Variants in DIP2C observed in about 807,000 individuals in gnomAD.
DIP2C encodes DIP2 acetate--CoA ligase C (putative).
In DIP2C, 33 loss-of-function variants were observed where a neutral mutation model predicts 192.4. The ratio of observed to expected loss-of-function variants is 0.17; its 90% confidence interval spans 0.13 to 0.23. The LOEUF (loss-of-function observed/expected upper bound fraction) is 0.23. Ranked by LOEUF, DIP2C falls within the 10% of genes least tolerant of loss-of-function variation. The pLI, the probability that DIP2C is intolerant of heterozygous loss-of-function variation, is 1.00. For synonymous variants in DIP2C, 979 were observed against 864.1 expected, an observed-to-expected ratio of 1.13 and a Z score of -2.33; for missense variants, 1,537 against 2,110.1, an observed-to-expected ratio of 0.73 and a Z score of 5.32.
intron 7 of DIP2C, among the ~76,000 whole-genome samples, chr10:414,890 GTATATA>G (rs869143179): frequency 1.1e-4 from 4 of 36,130 alleles, no homozygotes; most frequent in African/African-American, 5.0e-4. Context: ...GTGTGTGTGT[GTATATA>G]TATATATATA....
At chr10:622,519 C>G (rs1467789002) in intron 1 of DIP2C, among the ~76,000 whole-genome samples, 1 of 152,136 alleles carries the variant, frequency 6.6e-6, no homozygotes, top group African/African-American at 2.4e-5. Context: ...TTAGCATAAA[C>G]AGTGACCAGC....
chr10:366,447 G>C lies in DIP2C; in HGVS notation c.2132-36C>G. The C allele has an allele frequency of 1.9e-6, 3 of 1,613,088 alleles. No homozygotes were observed. The East Asian group carries it at 6.7e-5, about 36-fold the overall frequency. On this transcript the variant is annotated intron_variant, in intron 18 of 36. Coordinates refer to ENST00000280886, the MANE Select transcript of DIP2C (RefSeq NM_014974.3). ...ACAGGAAAGCACATGCAGTGTGAGA[G>C]GGGGCAGGTGGGGAGAATAAAGGAA...
At chr10:485,030 C>T in intron 2 of DIP2C, 4 of 1,467,990 alleles carry the variant, frequency 2.7e-6, no homozygotes, top group Admixed American at 2.1e-5. Flanking sequence ...GAGCTGCCGA[C>T]CCCATGCAGG....
intron 1 of DIP2C, among the ~76,000 whole-genome samples, chr10:558,119 T>C (rs1849007402): frequency 6.6e-6 from 1 of 152,176 alleles, no homozygotes; most frequent in African/African-American, 2.4e-5. Flanking sequence ...ATTCTATAAA[T>C]TGGAAAGATA....
At chr10:302,547 T>C (rs1956102156) in intron 32 of DIP2C, among the ~76,000 whole-genome samples, 1 of 152,194 alleles carries the variant, frequency 6.6e-6, no homozygotes, top group Non-Finnish European at 1.5e-5. Flanking sequence ...AGTCATGTAC[T>C]TAACGACAAG....
At chr10:289,612 G>A (rs907677150) in intron 32 of DIP2C, among the ~76,000 whole-genome samples, 13 of 152,140 alleles carry the variant, frequency 8.5e-5, no homozygotes, top group East Asian at 7.7e-4. Context: ...TTATGCACTC[G>A]ACACAGCAGT....
At position 317,620 on chromosome 10, in the gene DIP2C, G is replaced by A. The variant is rs547502675; in HGVS notation, c.3925-7528C>T. On this transcript the variant is annotated intron_variant, in intron 31 of 36. Transcript: ENST00000280886. ...AAAGCCAGGCATGTTCTGTGACTGC[G>A]ATAGAGAATCCCTTGCTGAAAGCCA... Among the ~76,000 whole-genome samples the A allele has an allele frequency of 1.4e-4, 21 of 152,296 alleles. 1 individual carries two copies. The East Asian group carries it at 4.1e-3, about 29-fold the overall frequency.
chr10:650,300 C>A, intron 1 of DIP2C: 1 of 716,938 alleles, frequency 1.4e-6, no homozygotes, highest in Non-Finnish European at 2.6e-6. Flanking sequence ...GGGCCAGGGA[C>A]CATGGTGCCC....
intron 1 of DIP2C, among the ~76,000 whole-genome samples, chr10:685,259 G>A (rs913327667): frequency 4.1e-5 from 6 of 147,386 alleles, no homozygotes; most frequent in Admixed American, 2.1e-4. Flanking sequence ...TGGCACGTGC[G>A]CGAGCCTTCA....
intron 17 of DIP2C, among the ~76,000 whole-genome samples, chr10:375,312 C>A (rs1282101786): frequency 2.0e-5 from 3 of 152,216 alleles, no homozygotes; most frequent in Non-Finnish European, 4.4e-5. Context: ...ATGTGACATG[C>A]AGGCTCCCAC....
chr10:592,845 G>A lies in DIP2C; in HGVS notation c.85+96649C>T, dbSNP rs535715123. 1.8e-4 allele frequency among the ~76,000 whole-genome samples: 27 copies of A among 151,630 alleles called. No homozygotes were observed. The South Asian group carries it at 5.2e-3, about 29-fold the overall frequency. On this transcript the variant is annotated intron_variant, in intron 1 of 36. Transcript: ENST00000280886. Reference sequence around the variant, plus strand: ...GAAGATGTACGAGCCGTCCCTGCTCGTGTAGAAATCTGAGAGCAGGTATGA... The same window carrying A: ...GAAGATGTACGAGCCGTCCCTGCTCATGTAGAAATCTGAGAGCAGGTATGA...
chr10:549,504 G>T (rs184550513), intron 1 of DIP2C, among the ~76,000 whole-genome samples: 3 of 152,148 alleles, frequency 2.0e-5, no homozygotes, highest in African/African-American at 7.2e-5. Flanking sequence ...CCAAAACCAC[G>T]CAGAAGTGAC....
At chr10:617,948 A>G (rs1853586681) in intron 1 of DIP2C, among the ~76,000 whole-genome samples, 1 of 152,092 alleles carries the variant, frequency 6.6e-6, no homozygotes, top group African/African-American at 2.4e-5. Flanking sequence ...AGGTGTGACA[A>G]TTTAGGAATC....
chr10:359,513 G>C (rs1265796984), intron 22 of DIP2C, among the ~76,000 whole-genome samples: 1 of 152,170 alleles, frequency 6.6e-6, no homozygotes, highest in Non-Finnish European at 1.5e-5. Flanking sequence ...AATCATTTTT[G>C]AATTTTCACG....
In DIP2C at chr10:353,237, C is replaced by G. The variant is rs149884994; in HGVS notation, c.2985+3189G>C. 5.3e-5 allele frequency among the ~76,000 whole-genome samples: 8 copies of G among 152,156 alleles called. 1 individual carries two copies. Among genetic ancestry groups the G allele is most frequent in the African/African-American group, 1.9e-4 (8 of 41,524 alleles). Reference sequence around the variant, plus strand: ...CACATTCACTGTCAGTTTCTGTAAACTTGGGACCATTTTAACGTTTCACAT... The same window carrying G: ...CACATTCACTGTCAGTTTCTGTAAAGTTGGGACCATTTTAACGTTTCACAT... On this transcript the variant is annotated intron_variant, in intron 24 of 36. Coordinates refer to ENST00000280886, the MANE Select transcript of DIP2C (RefSeq NM_014974.3).
At chr10:511,241 C>T (rs963795112) in intron 1 of DIP2C, among the ~76,000 whole-genome samples, 2 of 152,168 alleles carry the variant, frequency 1.3e-5, no homozygotes, top group South Asian at 2.1e-4. Context: ...CCTGCAAACT[C>T]GCCTCAATCA....
intron 1 of DIP2C, among the ~76,000 whole-genome samples, chr10:539,021 A>G (rs1352114119): frequency 1.3e-5 from 2 of 150,444 alleles, no homozygotes; most frequent in Non-Finnish European, 2.9e-5. Flanking sequence ...ACGTCATTCC[A>G]TGAGTTTTGT....
At chr10:535,702 A>G (rs1847657725) in intron 1 of DIP2C, among the ~76,000 whole-genome samples, 1 of 151,920 alleles carries the variant, frequency 6.6e-6, no homozygotes, top group Non-Finnish European at 1.5e-5. Flanking sequence ...GATCATAAAA[A>G]CTGTATGTGG....
At chr10:650,780 G>A in intron 1 of DIP2C, 1 of 669,520 alleles carries the variant, frequency 1.5e-6, no homozygotes, top group Non-Finnish European at 2.8e-6. Context: ...TCTGTAATTT[G>A]CAACCAGAAT....
Sources: allele counts gnomAD v4.1 joint callset (sites outside exome capture counted in the v4.1 genomes callset), GRCh38; gene constraint gnomAD v4.1.1; transcripts MANE v1.5; gene names NCBI Gene and HGNC (gene_info 2026-07-23, HGNC 2026-07-21).